The following PNPT1 variants were observed in gnomAD, a reference collection of about 807,000 sequenced individuals.
The protein encoded by PNPT1 is polyribonucleotide nucleotidyltransferase 1, mitochondrial.
PNPT1 carries 53 observed loss-of-function variants against 119.5 expected under a neutral mutation model. The observed-to-expected ratio is 0.44, with a 90% CI of 0.36 to 0.56. PNPT1 has a LOEUF of 0.56. Among genes scored for constraint, PNPT1 ranks in the 20% least tolerant of loss-of-function variants. PNPT1 has a pLI of 0.00. For missense variants in PNPT1, 948 were observed against 938.5 expected (o/e 1.01, Z -0.13); for synonymous variants, 357 against 322.1 (o/e 1.11, Z -1.16).
chr2:55,636,193 C>T lies in PNPT1; in HGVS notation c.*44G>A, dbSNP rs752239988. On this transcript the variant is annotated 3_prime_UTR_variant, in exon 28 of 28. Coordinates refer to ENST00000447944, the MANE Select transcript of PNPT1 (RefSeq NM_033109.5). ...TAAAATGTTGCTCTACAGCACATCA[C>T]CCTAGACAAAATAGAATTCTAGAAT... 2.7e-6 allele frequency: 4 copies of T among 1,509,362 alleles called. No individual in the cohort carries two copies. The highest frequency in any genetic ancestry group is 3.6e-6 in the Non-Finnish European group (4 of 1,098,928). 93.5% of individuals were successfully genotyped at this position (1,509,362 alleles called of 1,614,324 possible). A position where few individuals can be genotyped will look rare whatever the true frequency, so the allele number is the denominator to read the frequency against.
Position 55,643,314 on chromosome 2 carries a change from C to A in PNPT1, c.2013+5G>T. 1 of 1,612,018 alleles carries A rather than the reference C, an allele frequency of 6.2e-7. No individual in the cohort carries two copies. Among genetic ancestry groups the A allele is most frequent in the East Asian group, 2.2e-5 (1 of 44,868 alleles). ...TGATACGTAATTAATATGATCTATA[C>A]TTACATCATCCTTGCAGATTTCAGT... On this transcript the variant is annotated splice_donor_5th_base_variant and intron_variant, in intron 24 of 27. Coordinates refer to ENST00000447944, the MANE Select transcript of PNPT1 (RefSeq NM_033109.5).
chr2:55,673,504 A>G (rs1057406699), intron 8 of PNPT1, among the ~76,000 whole-genome samples: 2 of 150,184 alleles, frequency 1.3e-5, no homozygotes, highest in Non-Finnish European at 3.0e-5. Context: ...GCTGGAGTGC[A>G]GTGGCGCAAT....
intron 4 of PNPT1, among the ~76,000 whole-genome samples, 159 bp from the exon 5 acceptor site, chr2:55,683,993 T>C (rs146621693): frequency 2.0e-5 from 3 of 152,302 alleles, no homozygotes; most frequent in East Asian, 3.9e-4. Flanking sequence ...AGTGCTTCCA[T>C]TATTACATAC....
At position 55,661,817 on chromosome 2, in the gene PNPT1, CATG is replaced by C. The variant is rs1250347580; in HGVS notation, c.1247+136_1247+138del. The C allele has an allele frequency of 9.2e-6, 7 of 760,248 alleles. No individual in the cohort carries two copies. In the African/African-American group the frequency reaches 9.3e-5, roughly 10 times the overall value. 47.1% of individuals were successfully genotyped at this position (760,248 alleles called of 1,614,324 possible). A position where few individuals can be genotyped will look rare whatever the true frequency, so the allele number is the denominator to read the frequency against. On this transcript the variant is annotated intron_variant, in intron 14 of 27. Coordinates refer to ENST00000447944, the MANE Select transcript of PNPT1 (RefSeq NM_033109.5). ...GCACACACACAAAATCCTTTGAAAT[CATG>C]ATGATGTAAACAGAAAAATGAAGTA...
chr2:55,645,331 A>G lies in PNPT1; in HGVS notation c.1822+18T>C, dbSNP rs1412608106. 6.3e-7 allele frequency: 1 copy of G among 1,576,488 alleles called. No individual in the cohort carries two copies. Among genetic ancestry groups the G allele is most frequent in the East Asian group, 2.2e-5 (1 of 44,532 alleles). ...GAGCCACCGCGCCCAGCCGATCACT[A>G]AAATTTTAATGTATTACCTACAACA... is the stretch of plus-strand genomic sequence containing the variant. On this transcript the variant is annotated intron_variant, in intron 22 of 27. Transcript: ENST00000447944.
chr2:55,660,117 A>G, intron 15 of PNPT1, 40 bp downstream of exon 15: 1 of 1,528,864 alleles, frequency 6.5e-7, no homozygotes, highest in Non-Finnish European at 8.8e-7. Flanking sequence ...AAAATTTATT[A>G]ATTTATTAAT....
At chr2:55,652,204 T>C (rs923421661) in intron 18 of PNPT1, among the ~76,000 whole-genome samples, 3 of 152,152 alleles carry the variant, frequency 2.0e-5, no homozygotes, top group Non-Finnish European at 2.9e-5. Flanking sequence ...TTAAGCTTTT[T>C]CAAAAACTGG....
Position 55,687,683 on chromosome 2 carries a change from T to C in PNPT1, c.184A>G (p.Lys62Glu). Reference sequence around the variant, plus strand: ...GAGCCATCTGCAAATCTGGCCAGCTTTCCAGAAGATATTTCTAATTTCCTG... The same window carrying C: ...GAGCCATCTGCAAATCTGGCCAGCTCTCCAGAAGATATTTCTAATTTCCTG... ...GNRKLEISSG[K>E]LARFADGSAV... Residue 62 changes from lysine to glutamate, a missense_variant, in exon 2 of 28, where the codon AAG (lysine) becomes GAG (glutamate). Lys to Glu is a moderately conservative substitution (Grantham distance 56). Coordinates refer to ENST00000447944, the MANE Select transcript of PNPT1 (RefSeq NM_033109.5). 3.1e-6 allele frequency: 5 copies of C among 1,602,156 alleles called. No homozygotes were observed. The highest frequency in any genetic ancestry group is 1.1e-5 in the South Asian group (1 of 88,214).
intron 13 of PNPT1, among the ~76,000 whole-genome samples, chr2:55,664,802 A>C (rs916515948): frequency 2.0e-5 from 3 of 152,150 alleles, no homozygotes; most frequent in African/African-American, 7.2e-5. Context: ...ACTTGACTAA[A>C]GAGCATAAAA....
intron 18 of PNPT1, among the ~76,000 whole-genome samples, chr2:55,647,850 T>C (rs1244888915): frequency 2.0e-5 from 3 of 152,214 alleles, no homozygotes; most frequent in Non-Finnish European, 4.4e-5. Context: ...TAAGTGGATA[T>C]TGTTGCCTAA....
At chr2:55,637,973 C>T (rs1164339258) in intron 26 of PNPT1, among the ~76,000 whole-genome samples, 1 of 144,208 alleles carries the variant, frequency 6.9e-6, no homozygotes, top group African/African-American at 2.6e-5. Flanking sequence ...GCACTCCAGC[C>T]TGGGTGACAG....
intron 18 of PNPT1, among the ~76,000 whole-genome samples, chr2:55,652,912 A>C (rs1211384857): frequency 1.3e-5 from 2 of 152,178 alleles, no homozygotes; most frequent in Admixed American, 1.3e-4. Flanking sequence ...CAGTGGCACG[A>C]TCTTGGCTCA....
chr2:55,656,053 A>C, intron 17 of PNPT1, 78 bp downstream of exon 17: 1 of 1,512,256 alleles, frequency 6.6e-7, no homozygotes, highest in Non-Finnish European at 8.8e-7. Context: ...ACAAAATGTA[A>C]CATTACATTT....
chr2:55,650,141 C>CACCTCTACCTCTACCTCT lies in PNPT1; in HGVS notation c.1496-2706_1496-2689dup, dbSNP rs75906141. ...AAATCCTGCCCTCTCTCCCTCTCTC[C>CACCTCTACCTCTACCTCT]ACCTCTACCTCTACCTCTACCTCTA... On this transcript the variant is annotated intron_variant, in intron 18 of 27. Transcript: ENST00000447944. Among the ~76,000 whole-genome samples, 1,407 of 149,926 alleles carry CACCTCTACCTCTACCTCT rather than the reference C, an allele frequency of 9.4e-3. 15 individuals carry two copies. The highest frequency in any genetic ancestry group is 0.024 in the African/African-American group (987 of 40,892).
intron 18 of PNPT1, among the ~76,000 whole-genome samples, chr2:55,652,046 C>A (rs1355164508): frequency 6.6e-6 from 1 of 152,126 alleles, no homozygotes; most frequent in Non-Finnish European, 1.5e-5. Context: ...CCTAATATGC[C>A]CAGTCAACAA....
intron 11 of PNPT1, 147 bp downstream of exon 11, chr2:55,671,172 T>C: frequency 2.2e-6 from 1 of 452,028 alleles, no homozygotes; most frequent in Non-Finnish European, 3.9e-6. Flanking sequence ...ACAGCAGCTG[T>C]AAAGTTGAAA....
At chr2:55,675,319 G>T (rs1016074637) in intron 8 of PNPT1, among the ~76,000 whole-genome samples, 1 of 152,024 alleles carries the variant, frequency 6.6e-6, no homozygotes, top group African/African-American at 2.4e-5. Context: ...CTGGGCATGG[G>T]GCTCATGCTT....
intron 18 of PNPT1, among the ~76,000 whole-genome samples, chr2:55,653,058 G>A (rs749693716): frequency 3.3e-4 from 50 of 152,172 alleles, no homozygotes; most frequent in Non-Finnish European, 3.1e-4. Context: ...ATGTTGGCCA[G>A]GCAGGCCTCA....
rs144743221 is a variant in PNPT1, at chr2:55,693,059, C to G, written c.161+604G>C. On this transcript the variant is annotated intron_variant, in intron 1 of 27. Transcript: ENST00000447944. Reference sequence around the variant, plus strand: ...TTCCCATCTCTGTGCGTGTGTGGCTCTCTCCCTGTCCATCTCTTACCATCT... The same window carrying G: ...TTCCCATCTCTGTGCGTGTGTGGCTGTCTCCCTGTCCATCTCTTACCATCT... 5.8e-4 allele frequency among the ~76,000 whole-genome samples: 89 copies of G among 152,264 alleles called. 2 individuals carry two copies. Among genetic ancestry groups the G allele is most frequent in the African/African-American group, 2.0e-3 (85 of 41,550 alleles).
Sources: gnomAD v4.1 joint callset for allele counts (sites outside exome capture counted in the v4.1 genomes callset) on GRCh38, gnomAD v4.1.1 for gene constraint, MANE v1.5 for transcripts, NCBI Gene and HGNC (gene_info 2026-07-23, HGNC 2026-07-21) for gene names.